CSGALNACT1: variants seen among roughly 807,000 people sequenced by gnomAD.
CSGALNACT1 encodes chondroitin sulfate N-acetylgalactosaminyltransferase 1, also known as beta4GalNAcT-1.
Under a neutral mutation model 51.0 loss-of-function variants are expected in CSGALNACT1, and 52 were observed. The ratio of observed to expected loss-of-function variants is 1.02; its 90% CI spans 0.82 to 1.29. CSGALNACT1 has a LOEUF of 1.29. Ranked by LOEUF, CSGALNACT1 falls within the 50% of genes most tolerant of loss-of-function variation. The pLI, the probability that CSGALNACT1 is intolerant of heterozygous loss-of-function variation, is 0.00. For missense variants in CSGALNACT1, 935 were observed against 679.2 expected (o/e 1.38, Z -4.19); for synonymous variants, 341 against 254.4 (o/e 1.34, Z -3.24).
chr8:19,537,641 T>A (rs1224447069), intron 3 of CSGALNACT1, among the ~76,000 whole-genome samples: 2 of 152,042 alleles, frequency 1.3e-5, no homozygotes, highest in African/African-American at 4.8e-5. Context: ...GAAATAAAGC[T>A]CCCCTTTCCA....
intron 1 of CSGALNACT1, among the ~76,000 whole-genome samples, chr8:19,628,732 C>T (rs896891655): frequency 1.3e-5 from 2 of 151,902 alleles, no homozygotes; most frequent in African/African-American, 4.8e-5. Context: ...CTCTTCGCTT[C>T]AGTCTCCCAA....
intron 9 of CSGALNACT1, among the ~76,000 whole-genome samples, chr8:19,407,905 T>TTGTGTGTGTGTG (rs60746708): frequency 3.5e-5 from 4 of 112,722 alleles, no homozygotes; most frequent in African/African-American, 1.3e-4. Context: ...TGTATATGAA[T>TTGTGTGTGTGTG]TGTGTGTGTG....
At chr8:19,701,425 A>G (rs981149861) in intron 1 of CSGALNACT1, among the ~76,000 whole-genome samples, 1 of 152,084 alleles carries the variant, frequency 6.6e-6, no homozygotes, top group Non-Finnish European at 1.5e-5. Context: ...AAGTGCTAGG[A>G]TTACAGGTGT....
At chr8:19,755,484 C>T (rs199742124) in intron 1 of CSGALNACT1, among the ~76,000 whole-genome samples, 1 of 79,776 alleles carries the variant, frequency 1.3e-5, no homozygotes. Flanking sequence ...AAAAAAAAGA[C>T]AACATTTATG....
intron 4 of CSGALNACT1, among the ~76,000 whole-genome samples, chr8:19,487,341 T>C (rs1430120336): frequency 6.6e-6 from 1 of 152,158 alleles, no homozygotes; most frequent in Non-Finnish European, 1.5e-5. Flanking sequence ...CGTCTTTCTC[T>C]TACTGCTGTT....
chr8:19,486,790 G>C (rs2073056541), intron 4 of CSGALNACT1, among the ~76,000 whole-genome samples: 1 of 152,060 alleles, frequency 6.6e-6, no homozygotes, highest in South Asian at 2.1e-4. Flanking sequence ...TGCTTACTTA[G>C]GTTCATGTTT....
intron 1 of CSGALNACT1, among the ~76,000 whole-genome samples, chr8:19,715,491 G>A (rs533346546): frequency 6.6e-6 from 1 of 152,230 alleles, no homozygotes; most frequent in East Asian, 1.9e-4. Context: ...AGTATTTCAT[G>A]GTGTGTATGT....
intron 3 of CSGALNACT1, among the ~76,000 whole-genome samples, chr8:19,589,423 T>TCAAACAATTATC (rs2047339192): frequency 6.6e-6 from 1 of 152,212 alleles, no homozygotes; most frequent in African/African-American, 2.4e-5. Context: ...TCTCCCAGGT[T>TCAAACAATTATC]CAAACAATTA....
At chr8:19,683,092 T>TCGCA, upstream of CSGALNACT1, 1 of 233,260 alleles carries the variant, frequency 4.3e-6, no homozygotes, top group Non-Finnish European at 8.7e-6. Flanking sequence ...CTGTGTGCGA[T>TCGCA]CACAGGACAT....
At chr8:19,435,747 C>A (rs1262799195) in intron 6 of CSGALNACT1, among the ~76,000 whole-genome samples, 1 of 152,162 alleles carries the variant, frequency 6.6e-6, no homozygotes, top group African/African-American at 2.4e-5. Context: ...CTGAGATTAA[C>A]TGAAGCTTGG....
At chr8:19,661,149 T>G (rs1220778121) in intron 1 of CSGALNACT1, among the ~76,000 whole-genome samples, 2 of 151,946 alleles carry the variant, frequency 1.3e-5, no homozygotes, top group African/African-American at 4.8e-5. Context: ...CTCCTGACCT[T>G]GTGATCTGCC....
chr8:19,504,704 C>G (rs1382734835), intron 4 of CSGALNACT1, among the ~76,000 whole-genome samples: 1 of 152,204 alleles, frequency 6.6e-6, no homozygotes, highest in Non-Finnish European at 1.5e-5. Flanking sequence ...GGTTCTGTCA[C>G]TTGTTAGCTG....
intron 6 of CSGALNACT1, among the ~76,000 whole-genome samples, chr8:19,430,467 G>A (rs1434893066): frequency 1.3e-5 from 2 of 152,180 alleles, no homozygotes; most frequent in Non-Finnish European, 2.9e-5. Context: ...TTAAAAAGAT[G>A]ATTCTTTCCC....
At chr8:19,710,771 G>A (rs970926754) in intron 1 of CSGALNACT1, among the ~76,000 whole-genome samples, 7 of 152,136 alleles carry the variant, frequency 4.6e-5, no homozygotes, top group African/African-American at 1.7e-4. Context: ...GCCAGTTTCA[G>A]AGGCAATGCT....
chr8:19,480,791 C>T (rs1457950789), intron 4 of CSGALNACT1, among the ~76,000 whole-genome samples: 1 of 152,140 alleles, frequency 6.6e-6, no homozygotes, highest in African/African-American at 2.4e-5. Flanking sequence ...AGGCTCACTC[C>T]AGCAGTGAGT....
intron 1 of CSGALNACT1, among the ~76,000 whole-genome samples, chr8:19,755,147 A>G (rs2065275141): frequency 6.6e-6 from 1 of 152,170 alleles, no homozygotes; most frequent in Non-Finnish European, 1.5e-5. Flanking sequence ...CCTTACTGAT[A>G]TTTCTTTTTA....
chr8:19,450,928 A>T (rs1229511490), intron 5 of CSGALNACT1, among the ~76,000 whole-genome samples: 6 of 152,014 alleles, frequency 3.9e-5, no homozygotes, highest in Admixed American at 3.9e-4. Flanking sequence ...AAAAAAAAAT[A>T]AAAAATAATA....
chr8:19,746,565 T>G (rs986627227), intron 1 of CSGALNACT1, among the ~76,000 whole-genome samples: 2 of 152,228 alleles, frequency 1.3e-5, no homozygotes, highest in Non-Finnish European at 1.5e-5. Flanking sequence ...AGACAGATAG[T>G]ACAGGTCATC....
chr8:19,475,037 G>C (rs893841902), intron 4 of CSGALNACT1, among the ~76,000 whole-genome samples: 3 of 152,100 alleles, frequency 2.0e-5, no homozygotes, highest in Non-Finnish European at 4.4e-5. Flanking sequence ...GGCCAGGGGT[G>C]CACTGCGAGA....
Sources: allele counts gnomAD v4.1 joint callset (sites outside exome capture counted in the v4.1 genomes callset), GRCh38; gene constraint gnomAD v4.1.1; transcripts MANE v1.5; gene names NCBI Gene and HGNC (gene_info 2026-07-23, HGNC 2026-07-21).